The following COL11A1 variants were observed in gnomAD, a reference collection of about 807,000 sequenced individuals.
COL11A1 encodes the protein collagen type XI alpha 1 chain.
COL11A1 carries 74 observed loss-of-function variants against 265.2 expected under a neutral mutation model. That is an observed-to-expected ratio of 0.28 (90% CI 0.23 to 0.34). COL11A1 has a LOEUF of 0.34. Among genes scored for constraint, COL11A1 ranks in the 10% least tolerant of loss-of-function variants. The pLI is 1.00. For missense variants in COL11A1, 2,165 were observed against 2,263.6 expected (o/e 0.96, Z 0.88); for synonymous variants, 816 against 727.6 (o/e 1.12, Z -1.96).
chr1:103,063,785 G>A (rs1444842078), intron 4 of COL11A1, among the ~76,000 whole-genome samples: 1 of 152,096 alleles, frequency 6.6e-6, no homozygotes, highest in Non-Finnish European at 1.5e-5. Flanking sequence ...CACACAGCAG[G>A]TGCATGTGTT....
At chr1:103,038,635 AGATGTCATTTGAGTG>A (rs1488930234) in intron 4 of COL11A1, among the ~76,000 whole-genome samples, 3 of 152,182 alleles carry the variant, frequency 2.0e-5, no homozygotes, top group Non-Finnish European at 2.9e-5. Flanking sequence ...GAAACTCAAA[AGATGTCATTTGAGTG>A]TCATTTGAGG....
chr1:102,890,409 A>G (rs755110735), intron 58 of COL11A1, 42 bp downstream of exon 58: 2 of 1,531,576 alleles, frequency 1.3e-6, no homozygotes, highest in Non-Finnish European at 1.8e-6. Context: ...TTAGTATATA[A>G]AAGCATATTC....
At chr1:102,939,180 T>G in intron 43 of COL11A1, 92 bp from the exon 44 acceptor site, 1 of 1,130,516 alleles carries the variant, frequency 8.8e-7, no homozygotes, top group Admixed American at 1.7e-5. Context: ...ACCTTTAATA[T>G]AATTACATGC....
chr1:103,092,911 T>G (rs1200911107), intron 1 of COL11A1, among the ~76,000 whole-genome samples: 1 of 152,004 alleles, frequency 6.6e-6, no homozygotes, highest in Non-Finnish European at 1.5e-5. Flanking sequence ...GATTGAGGTC[T>G]GCTGTGGTTG....
intron 57 of COL11A1, among the ~76,000 whole-genome samples, chr1:102,892,930 A>G (rs1932334): frequency 0.015 from 2,341 of 152,282 alleles, 28 homozygotes; most frequent in Non-Finnish European, 0.021. Context: ...TCAAATTTAT[A>G]TGAATTTAGT....
At chr1:102,972,193 G>T (rs796893625) in intron 36 of COL11A1, among the ~76,000 whole-genome samples, 6 of 152,262 alleles carry the variant, frequency 3.9e-5, no homozygotes, top group African/African-American at 1.4e-4. Context: ...GAGGATGACA[G>T]CTGAAGGATA....
chr1:102,975,068 ACACTATTTC>A (rs1261570718), intron 35 of COL11A1, among the ~76,000 whole-genome samples, 185 bp from the exon 36 acceptor site: 2 of 152,208 alleles, frequency 1.3e-5, no homozygotes, highest in African/African-American at 2.4e-5. Context: ...ATACATTTTC[ACACTATTTC>A]TACTCAAAAC....
At position 102,962,743 on chromosome 1, in the gene COL11A1, A is replaced by G. The variant is rs765628386; in HGVS notation, c.2934T>C (p.Thr978=). ...GATGCCCACGTTCCCCTATTGGACC[A>G]GTCTCACCGGTTGGTCCCTAAATTA... ...VVGPQGPTGE[T]GPIGERGHPG... The change falls in exon 39 of 67, where the codon ACT becomes ACC. Residue 978 remains threonine, a synonymous_variant. Transcript: ENST00000370096. 4.3e-6 allele frequency: 7 copies of G among 1,614,034 alleles called. No homozygotes were observed. Among genetic ancestry groups the G allele is most frequent in the Non-Finnish European group, 5.1e-6 (6 of 1,179,998 alleles).
chr1:102,961,649 C>A, intron 41 of COL11A1: 1 of 515,030 alleles, frequency 1.9e-6, no homozygotes, highest in Non-Finnish European at 3.5e-6. Flanking sequence ...CTTTTACCTC[C>A]TGACAGCAGC....
At chr1:102,930,160 G>A (rs1237903119) in intron 46 of COL11A1, among the ~76,000 whole-genome samples, 3 of 152,084 alleles carry the variant, frequency 2.0e-5, no homozygotes, top group Non-Finnish European at 4.4e-5. Flanking sequence ...AGGCATCCCT[G>A]TCTTGTGCCC....
intron 1 of COL11A1, among the ~76,000 whole-genome samples, chr1:103,090,252 C>T (rs185421529): frequency 6.6e-6 from 1 of 152,102 alleles, no homozygotes; most frequent in Non-Finnish European, 1.5e-5. Flanking sequence ...CCTCACATCA[C>T]AGACTATATG....
chr1:102,954,975 T>G (rs570404138), intron 41 of COL11A1, among the ~76,000 whole-genome samples: 23 of 152,322 alleles, frequency 1.5e-4, no homozygotes, highest in African/African-American at 5.3e-4. Context: ...TTATCAGAAT[T>G]TAAAGCATAG....
At chr1:102,890,648 C>A in intron 57 of COL11A1, 144 bp from the exon 58 acceptor site, 1 of 582,950 alleles carries the variant, frequency 1.7e-6, no homozygotes, top group South Asian at 2.9e-5. Context: ...ATTTTTAAGG[C>A]TTCTAAGTAA....
At chr1:103,065,573 C>CAAAAA (rs61016929) in intron 4 of COL11A1, among the ~76,000 whole-genome samples, 25 of 130,652 alleles carry the variant, frequency 1.9e-4, no homozygotes, top group Admixed American at 4.8e-4. Flanking sequence ...AACAAACAAA[C>CAAAAA]AAAAAAAATA....
At chr1:103,073,035 G>T (rs1671706838) in intron 4 of COL11A1, among the ~76,000 whole-genome samples, 1 of 151,542 alleles carries the variant, frequency 6.6e-6, no homozygotes, top group South Asian at 2.1e-4. Context: ...ACTTCATAGG[G>T]TTTCATGAAA....
At chr1:103,072,321 C>A (rs1309637160) in intron 4 of COL11A1, among the ~76,000 whole-genome samples, 1 of 151,816 alleles carries the variant, frequency 6.6e-6, no homozygotes, top group Non-Finnish European at 1.5e-5. Context: ...GCAGTGTATA[C>A]ATGAAATTAC....
At chr1:102,887,540 A>T (rs1209598686) in intron 62 of COL11A1, among the ~76,000 whole-genome samples, 1 of 152,182 alleles carries the variant, frequency 6.6e-6, no homozygotes, top group Non-Finnish European at 1.5e-5. Flanking sequence ...AATATGTGTG[A>T]CTTAAATCAT....
Position 102,888,911 on chromosome 1 carries a change from A to G in COL11A1, c.4473T>C (p.Pro1491=). ...SPGAKGDGGI[P]GPAGPLGPPG... Reference sequence around the variant, plus strand: ...GTGGACCTAAGGGACCAGCAGGACCAGGAATTCCCTAGAGAGAGAATCAGC... The same window carrying G: ...GTGGACCTAAGGGACCAGCAGGACCGGGAATTCCCTAGAGAGAGAATCAGC... The change falls in exon 60 of 67, where the codon CCT becomes CCC. Residue 1491 remains proline, a synonymous_variant. Coordinates refer to ENST00000370096, the MANE Select transcript of COL11A1 (RefSeq NM_001854.4). 1 of 1,612,180 alleles carries G rather than the reference A, an allele frequency of 6.2e-7. No individual in the cohort carries two copies. The highest frequency in any genetic ancestry group is 8.5e-7 in the Non-Finnish European group (1 of 1,178,158).
At chr1:102,929,035 G>A (rs1409312593) in intron 46 of COL11A1, among the ~76,000 whole-genome samples, 1 of 143,026 alleles carries the variant, frequency 7.0e-6, no homozygotes, top group Non-Finnish European at 1.5e-5. Flanking sequence ...CTCCCATTTT[G>A]TAGGTTGCCT....
Sources: gnomAD v4.1 joint callset for allele counts (sites outside exome capture counted in the v4.1 genomes callset) on GRCh38, gnomAD v4.1.1 for gene constraint, MANE v1.5 for transcripts, NCBI Gene and HGNC (gene_info 2026-07-23, HGNC 2026-07-21) for gene names.